DPF3: variants seen among roughly 807,000 people sequenced by gnomAD.
The protein encoded by DPF3 is zinc finger protein DPF3.
In DPF3, 18 loss-of-function variants were observed where a neutral mutation model predicts 56.8. The ratio of observed to expected loss-of-function variants is 0.32; its 90% confidence interval spans 0.22 to 0.47. The LOEUF (loss-of-function observed/expected upper bound fraction) is 0.47, where lower values mean the gene tolerates loss of function less well. Among genes scored for constraint, DPF3 ranks in the 20% least tolerant of loss-of-function variants. DPF3 has a pLI of 1.00. For missense variants in DPF3, 403 were observed against 488.8 expected (o/e 0.82, Z 1.65); for synonymous variants, 188 against 180.2 (o/e 1.04, Z -0.35).
intron 8 of DPF3, among the ~76,000 whole-genome samples, chr14:72,652,322 TG>T (rs1567190066): frequency 6.6e-6 from 1 of 151,976 alleles, no homozygotes; most frequent in Non-Finnish European, 1.5e-5. Context: ...TCATTGGTGG[TG>T]GTGGGCTGAC....
chr14:72,770,945 C>T (rs1891499160), intron 2 of DPF3, among the ~76,000 whole-genome samples: 1 of 150,988 alleles, frequency 6.6e-6, no homozygotes, highest in South Asian at 2.1e-4. Context: ...ATGGGAGGCC[C>T]AGGCAGGCAG....
chr14:72,756,830 A>C (rs111802022), intron 2 of DPF3, among the ~76,000 whole-genome samples: 33 of 80,522 alleles, frequency 4.1e-4, no homozygotes, highest in East Asian at 4.0e-3. Context: ...GACAGAAAGA[A>C]AGAAAGAAAG....
At chr14:72,812,317 G>C (rs999653166) in intron 1 of DPF3, among the ~76,000 whole-genome samples, 1 of 152,112 alleles carries the variant, frequency 6.6e-6, no homozygotes, top group Non-Finnish European at 1.5e-5. Flanking sequence ...TCAAAATAGC[G>C]AGGAGCTGGA....
chr14:72,761,454 T>C (rs1390753947), intron 2 of DPF3, among the ~76,000 whole-genome samples: 1 of 152,038 alleles, frequency 6.6e-6, no homozygotes, highest in Non-Finnish European at 1.5e-5. Flanking sequence ...AACTAAACAA[T>C]ACAGTTCTAA....
intron 1 of DPF3, among the ~76,000 whole-genome samples, chr14:72,816,622 G>A (rs1049857609): frequency 1.3e-5 from 2 of 150,208 alleles, no homozygotes; most frequent in African/African-American, 4.9e-5. Flanking sequence ...TGCCTATCCT[G>A]ATACATCAGG....
chr14:72,693,068 G>A lies in DPF3; in HGVS notation c.742+8C>T, dbSNP rs373106767. On this transcript the variant is annotated splice_region_variant and intron_variant, in intron 7 of 10. Transcript: ENST00000556509. ...TTCACTGCCCCAACCTAACAAGTAG[G>A]CACTCACGCCTGTGGTTCTCATTTC... 9.2e-5 allele frequency: 148 copies of A among 1,613,796 alleles called. No individual in the cohort carries two copies. In the Middle Eastern group the frequency reaches 1.6e-3, roughly 18 times the overall value.
intron 1 of DPF3, among the ~76,000 whole-genome samples, chr14:72,887,686 G>A (rs946232014): frequency 6.3e-5 from 1 of 15,904 alleles, no homozygotes; most frequent in African/African-American, 1.1e-4. Context: ...AGGAATATGC[G>A]GCTCAAAGTT....
intron 1 of DPF3, among the ~76,000 whole-genome samples, chr14:72,822,273 C>T (rs1254112631): frequency 2.0e-5 from 3 of 151,904 alleles, no homozygotes; most frequent in African/African-American, 7.3e-5. Flanking sequence ...CCCAGCTACT[C>T]GGGAGGCTGA....
chr14:72,660,090 T>G (rs1324904450), intron 8 of DPF3, among the ~76,000 whole-genome samples: 1 of 152,088 alleles, frequency 6.6e-6, no homozygotes, highest in Non-Finnish European at 1.5e-5. Flanking sequence ...GAGTTTCAGT[T>G]GGAGAAGATG....
At position 72,782,572 on chromosome 14, in the gene DPF3, C is replaced by A. The variant is rs528576221; in HGVS notation, c.33-10679G>T. Among the ~76,000 whole-genome samples the A allele has an allele frequency of 2.0e-5, 3 of 152,290 alleles. No individual in the cohort carries two copies. In the South Asian group the frequency reaches 6.2e-4, roughly 32 times the overall value. The stretch of plus-strand genomic sequence containing the variant: ...AATCAGGGCTGGGCACGGTGGCCCA[C>A]GCCTGTAATCCCAGCACTTTGGGAG... On this transcript the variant is annotated intron_variant, in intron 1 of 10. Coordinates refer to ENST00000556509, the MANE Select transcript of DPF3 (RefSeq NM_001280542.3).
chr14:72,786,170 G>A (rs917854615), intron 1 of DPF3, among the ~76,000 whole-genome samples: 2 of 152,120 alleles, frequency 1.3e-5, no homozygotes, highest in African/African-American at 4.8e-5. Flanking sequence ...GGCTGAGGCA[G>A]GAGAATCGCT....
At chr14:72,766,409 T>C (rs1891289351) in intron 2 of DPF3, among the ~76,000 whole-genome samples, 1 of 152,192 alleles carries the variant, frequency 6.6e-6, no homozygotes, top group Non-Finnish European at 1.5e-5. Flanking sequence ...CCCTGGGTAT[T>C]ATTTTATCTA....
intron 1 of DPF3, among the ~76,000 whole-genome samples, chr14:72,808,185 G>A (rs980942297): frequency 1.3e-5 from 2 of 152,144 alleles, no homozygotes; most frequent in African/African-American, 4.8e-5. Context: ...AGCAGGAAGA[G>A]AGAAATGGAG....
At chr14:72,891,326 G>A (rs1427622086) in intron 1 of DPF3, among the ~76,000 whole-genome samples, 1 of 65,522 alleles carries the variant, frequency 1.5e-5, no homozygotes, top group Non-Finnish European at 3.0e-5. Flanking sequence ...TTTTTTTTTT[G>A]GAGGGAAGAG....
At chr14:72,857,720 G>C (rs1393135683) in intron 1 of DPF3, among the ~76,000 whole-genome samples, 1 of 151,984 alleles carries the variant, frequency 6.6e-6, no homozygotes, top group African/African-American at 2.4e-5. Context: ...CCGAGCAGCT[G>C]GGACTACAGG....
chr14:72,694,127 G>A (rs771856703), intron 6 of DPF3, among the ~76,000 whole-genome samples: 3 of 152,228 alleles, frequency 2.0e-5, no homozygotes, highest in African/African-American at 7.2e-5. Context: ...TTCCTGGGAA[G>A]CAGAAGTCTG....
rs764062596 is a variant in DPF3, at chr14:72,613,556, A to G, written c.*5741T>C. Reference sequence around the variant, plus strand: ...CTGAGGTTGGCACTGGAGCAGAGAAAGGGAAGGAGTGGGGACAGAAGCTGG... The same window carrying G: ...CTGAGGTTGGCACTGGAGCAGAGAAGGGGAAGGAGTGGGGACAGAAGCTGG... On this transcript the variant is annotated 3_prime_UTR_variant, in exon 11 of 11. Transcript: ENST00000556509. Among the ~76,000 whole-genome samples, 3 of 152,200 alleles carry G rather than the reference A, an allele frequency of 2.0e-5. No individual in the cohort carries two copies. Among genetic ancestry groups the G allele is most frequent in the Non-Finnish European group, 4.4e-5 (3 of 68,040 alleles).
intron 1 of DPF3, among the ~76,000 whole-genome samples, chr14:72,862,875 T>C (rs1017306882): frequency 6.6e-6 from 1 of 152,114 alleles, no homozygotes; most frequent in Non-Finnish European, 1.5e-5. Flanking sequence ...GAATGCAAGC[T>C]CCATGAAGGC....
chr14:72,892,702 C>T (rs1357592226), intron 1 of DPF3: 17 of 1,010,776 alleles, frequency 1.7e-5, no homozygotes, highest in Non-Finnish European at 2.0e-5. Flanking sequence ...AGGGAGAATT[C>T]GGCATGAACC....
Sources: gnomAD v4.1 joint callset for allele counts (sites outside exome capture counted in the v4.1 genomes callset) on GRCh38, gnomAD v4.1.1 for gene constraint, MANE v1.5 for transcripts, NCBI Gene and HGNC (gene_info 2026-07-23, HGNC 2026-07-21) for gene names.